The following USP4 variants were observed in gnomAD, a reference collection of about 807,000 sequenced individuals.
USP4 encodes the protein ubiquitin specific peptidase 4.
A neutral mutation model predicts 118.2 loss-of-function variants in USP4; 72 were observed. The observed-to-expected ratio is 0.61, with a 90% confidence interval of 0.50 to 0.74. The LOEUF (loss-of-function observed/expected upper bound fraction) is 0.74, where lower values mean the gene tolerates loss of function less well. USP4 is among the 30% of genes least tolerant of loss of function. The pLI is 0.00. For synonymous variants in USP4, 415 were observed against 440.4 expected, an observed-to-expected ratio of 0.94 and a Z score of 0.72; for missense variants, 1,037 against 1,185.7, an observed-to-expected ratio of 0.87 and a Z score of 1.84.
chr3:49,287,201 C>A (rs926856259), intron 15 of USP4, among the ~76,000 whole-genome samples: 1 of 152,038 alleles, frequency 6.6e-6, no homozygotes, highest in Non-Finnish European at 1.5e-5. Flanking sequence ...TTCGTCCAGG[C>A]TGGAATGCAA....
rs573391562 is a variant in USP4 at position 49,323,357 on chromosome 3, C to A, written c.695+1345G>T. ...GCAATGGCAGAATCATAGCTCACTGCAGCCTCAAACTCCTGGACTCAAGCA... is the reference window on the plus strand; with the variant it reads ...GCAATGGCAGAATCATAGCTCACTGAAGCCTCAAACTCCTGGACTCAAGCA... On this transcript the variant is annotated intron_variant, in intron 6 of 21. Transcript: ENST00000265560. Among the ~76,000 whole-genome samples the A allele has an allele frequency of 5.4e-4, 82 of 151,474 alleles. No homozygotes were observed. The South Asian group carries it at 7.7e-3, about 14-fold the overall frequency.
chr3:49,287,148 G>A (rs2047103286), intron 15 of USP4, among the ~76,000 whole-genome samples: 1 of 151,496 alleles, frequency 6.6e-6, no homozygotes. Context: ...CACTGCACCT[G>A]GCCCTATTTA....
rs1461087926 is a variant in USP4, at chr3:49,325,732, C to G, written c.474G>C (p.Lys158Asn). Residue 158 changes from lysine (K) to asparagine (N), a missense_variant, in exon 4 of 22, where the codon AAG (lysine) becomes AAC (asparagine). Physicochemically the swap from Lys to Asn is moderately conservative, Grantham distance 94 (BLOSUM62 0). Around this residue, in one of 3 missense-constraint regions of USP4, gnomAD observed 487 missense variants for 534.1 expected, o/e 0.91. Transcript: ENST00000265560. ...PTNVLSCHFS[K>N]ADTIATIEKE... ...CCAGCCTCTCACCAATGGTGTCTGC[C>G]TTGCTGAAATGGCAACTCAGCACAT... 1.2e-6 allele frequency: 2 copies of G among 1,613,792 alleles called. No homozygotes were observed. Among genetic ancestry groups the G allele is most frequent in the South Asian group, 2.2e-5 (2 of 91,062 alleles).
chr3:49,326,733 C>T (rs1490792037), intron 3 of USP4, among the ~76,000 whole-genome samples: 1 of 139,050 alleles, frequency 7.2e-6, no homozygotes, highest in Non-Finnish European at 1.5e-5. Flanking sequence ...AACCGAGTCT[C>T]ACTCTGTTGC....
chr3:49,284,452 G>A lies in USP4; in HGVS notation c.2390+14C>T, dbSNP rs752202673. The A allele has an allele frequency of 1.9e-6, 3 of 1,607,486 alleles. No homozygotes were observed. In the East Asian group the frequency reaches 6.7e-5, roughly 36 times the overall value. On this transcript the variant is annotated intron_variant, in intron 18 of 21. Coordinates refer to ENST00000265560, the MANE Select transcript of USP4 (RefSeq NM_003363.4). ...TGCATGGGGCCTCTGCCCAGACAGT[G>A]AGGAGCTGCGTACCAGGGGTCATGC...
At position 49,327,763 on chromosome 3, in the gene USP4, AT is replaced by A. The variant is rs2047572614; in HGVS notation, c.282del (p.Leu95TrpfsTer11). Reference sequence around the variant, plus strand: ...TTATTCCACGCCTCGGTAGGGACCAATACATAGTCCAATTCATCAATTAAGT... The same window carrying A: ...TTATTCCACGCCTCGGTAGGGACCAAACATAGTCCAATTCATCAATTAAGT... ...KEHLIDELDY[V>X]LVPTEAWNKL... is the part of the protein sequence containing the mutation. On this transcript the variant is annotated frameshift_variant, in exon 3 of 22. Transcript: ENST00000265560. LOFTEE classifies it high-confidence loss of function. The A allele has an allele frequency of 6.2e-7, 1 of 1,613,562 alleles. No homozygotes were observed. Among genetic ancestry groups the A allele is most frequent in the Non-Finnish European group, 8.5e-7 (1 of 1,179,482 alleles).
chr3:49,298,654 C>A lies in USP4; in HGVS notation c.1513-19G>T. On this transcript the variant is annotated intron_variant, in intron 11 of 21. Coordinates refer to ENST00000265560, the MANE Select transcript of USP4 (RefSeq NM_003363.4). ...CACGGTACTGCAAGACAGAGATGGTCAAGGTCACAGGGGTGCCCCACAAAG... is the reference window on the plus strand; with the variant it reads ...CACGGTACTGCAAGACAGAGATGGTAAAGGTCACAGGGGTGCCCCACAAAG... 2 of 1,613,242 alleles carry A rather than the reference C, an allele frequency of 1.2e-6. No homozygotes were observed. The highest frequency in any genetic ancestry group is 2.2e-5 in the South Asian group (2 of 91,040).
chr3:49,317,989 C>T (rs1166627620), intron 6 of USP4, among the ~76,000 whole-genome samples: 2 of 151,776 alleles, frequency 1.3e-5, no homozygotes, highest in South Asian at 2.1e-4. Flanking sequence ...GCACACGCCA[C>T]CACGCCTGGC....
chr3:49,286,532 G>T (rs930325501), intron 15 of USP4, among the ~76,000 whole-genome samples: 1 of 152,058 alleles, frequency 6.6e-6, no homozygotes, highest in East Asian at 1.9e-4. Flanking sequence ...GCTATTCCAC[G>T]ATGAGGAGGC....
intron 9 of USP4, among the ~76,000 whole-genome samples, chr3:49,302,796 T>A (rs541744770): frequency 6.6e-6 from 1 of 152,142 alleles, no homozygotes; most frequent in Admixed American, 6.5e-5. Flanking sequence ...GGAGGAAGGG[T>A]GGAGTACCCT....
intron 6 of USP4, among the ~76,000 whole-genome samples, chr3:49,314,657 T>C (rs796183345): frequency 2.0e-5 from 3 of 152,300 alleles, no homozygotes; most frequent in East Asian, 3.9e-4. Context: ...GCACAGAACC[T>C]CAAGATATAT....
In USP4 at chr3:49,297,899, G is replaced by A. The variant is rs2047225848; in HGVS notation, c.1662C>T (p.Asn554=). The A allele has an allele frequency of 2.5e-6, 4 of 1,614,110 alleles. No homozygotes were observed. Among genetic ancestry groups the A allele is most frequent in the Admixed American group, 1.7e-5 (1 of 60,006 alleles). Reference sequence around the variant, plus strand: ...AAATGTCATCCCGAGGCATGATGTGGTTTAAACCTTCATCCATTTGGAAAA... The same window carrying A: ...AAATGTCATCCCGAGGCATGATGTGATTTAAACCTTCATCCATTTGGAAAA... ...HKIFQMDEGL[N]HIMPRDDIFV... The change falls in exon 13 of 22, where the codon AAC becomes AAT. Residue 554 remains asparagine, a synonymous_variant. Coordinates refer to ENST00000265560, the MANE Select transcript of USP4 (RefSeq NM_003363.4).
In USP4 at chr3:49,282,203, C is replaced by T. The variant is rs534522036; in HGVS notation, c.2541-1356G>A. Among the ~76,000 whole-genome samples the T allele has an allele frequency of 3.3e-5, 5 of 152,212 alleles. No homozygotes were observed. The South Asian group carries it at 1.0e-3, about 32-fold the overall frequency. On this transcript the variant is annotated intron_variant, in intron 19 of 21. Coordinates refer to ENST00000265560, the MANE Select transcript of USP4 (RefSeq NM_003363.4). ...TGGTGCCATAATAATTTAAACTCAA[C>T]CAAAACAGGCCCCAGAAAGCTTTCT... is the stretch of plus-strand genomic sequence containing the variant.
chr3:49,289,575 A>G (rs1339848423), intron 15 of USP4, among the ~76,000 whole-genome samples: 3 of 152,196 alleles, frequency 2.0e-5, no homozygotes, highest in Non-Finnish European at 4.4e-5. Context: ...CAAGAATAAG[A>G]AGCCAAATAT....
intron 2 of USP4, among the ~76,000 whole-genome samples, chr3:49,329,996 C>T (rs2047596518): frequency 6.6e-6 from 1 of 151,766 alleles, no homozygotes; most frequent in Non-Finnish European, 1.5e-5. Flanking sequence ...AAAAATTAGC[C>T]AGGTGGAGGG....
intron 2 of USP4, among the ~76,000 whole-genome samples, chr3:49,329,504 A>G (rs1025993025): frequency 6.6e-6 from 1 of 152,112 alleles, no homozygotes; most frequent in African/African-American, 2.4e-5. Flanking sequence ...AGACTCAAGC[A>G]ATCCTCCTGC....
chr3:49,282,336 G>A (rs1028689232), intron 19 of USP4, among the ~76,000 whole-genome samples: 9 of 151,638 alleles, frequency 5.9e-5, no homozygotes, highest in Middle Eastern at 6.9e-3. Flanking sequence ...GTGCAGTGGC[G>A]CGATCTTGAC....
intron 4 of USP4, 26 bp from the exon 5 acceptor site, chr3:49,325,065 G>A (rs746291115): frequency 3.1e-6 from 5 of 1,607,196 alleles, no homozygotes; most frequent in South Asian, 1.1e-5. Flanking sequence ...AATATCACTT[G>A]GGGCTTTGTC....
intron 10 of USP4, 103 bp downstream of exon 10, chr3:49,302,281 G>C (rs1029799914): frequency 7.3e-7 from 1 of 1,366,652 alleles, no homozygotes; most frequent in Non-Finnish European, 9.9e-7. Context: ...GAAGCAACCA[G>C]GGCCCTGGCA....
Sources: gnomAD v4.1 joint callset for allele counts (sites outside exome capture counted in the v4.1 genomes callset) on GRCh38, gnomAD v4.1.1 for gene constraint, gnomAD v4.1.1 regional missense constraint, MANE v1.5 for transcripts, NCBI Gene and HGNC (gene_info 2026-07-23, HGNC 2026-07-21) for gene names.